The following RBFOX1 variants were observed in gnomAD, a reference collection of about 807,000 sequenced individuals.
The protein encoded by RBFOX1 is RNA binding fox-1 homolog 1, also known as RNA binding protein fox-1 homolog 1.
A neutral mutation model predicts 57.7 loss-of-function variants in RBFOX1; 8 were observed. The observed-to-expected ratio is 0.14, with a 90% CI of 0.08 to 0.25. The LOEUF is 0.25. Ranked by LOEUF, RBFOX1 falls within the 10% of genes least tolerant of loss-of-function variation. The pLI, the probability that RBFOX1 is intolerant of heterozygous loss-of-function variation, is 1.00. For synonymous variants in RBFOX1, 326 were observed against 222.4 expected (o/e 1.47, Z -4.15); for missense variants, 611 against 548.5 (o/e 1.11, Z -1.14).
chr16:6,278,839 A>C (rs2076096493), intron 1 of RBFOX1, among the ~76,000 whole-genome samples: 1 of 152,218 alleles, frequency 6.6e-6, no homozygotes, highest in African/African-American at 2.4e-5. Flanking sequence ...TGTAAGGTTC[A>C]TAAAAGCCCA....
intron 2 of RBFOX1, among the ~76,000 whole-genome samples, chr16:6,591,430 G>T (rs1016811375): frequency 6.6e-6 from 1 of 152,102 alleles, no homozygotes; most frequent in East Asian, 1.9e-4. Context: ...CTCCAGTCTG[G>T]GTGTCGTAGT....
Position 5,859,661 on chromosome 16 carries a change from G to A in RBFOX1, c.319-7642G>A, listed in dbSNP as rs533538393. Among the ~76,000 whole-genome samples, 8 of 152,218 alleles carry A rather than the reference G, an allele frequency of 5.3e-5. No homozygotes were observed. The South Asian group carries it at 8.3e-4, about 16-fold the overall frequency. ...GGAGGATAAAACTCTGCCTACCATT[G>A]GCCAGCAACCATGCCAGGCACCTTG... On this transcript the variant is annotated intron_variant, in intron 3 of 19. Coordinates refer to the RBFOX1 transcript ENST00000641259.
At chr16:7,078,537 A>G (rs1043114735) in intron 4 of RBFOX1, among the ~76,000 whole-genome samples, 29 of 151,202 alleles carry the variant, frequency 1.9e-4, no homozygotes, top group African/African-American at 5.6e-4. Context: ...TAGGAGAGTC[A>G]GGGTTTTGCC....
intron 3 of RBFOX1, among the ~76,000 whole-genome samples, chr16:5,612,381 G>T (rs2047855572): frequency 1.3e-5 from 2 of 152,062 alleles, no homozygotes; most frequent in South Asian, 4.2e-4. Context: ...CATGTGCCAG[G>T]TCCTGTGAAG....
chr16:7,185,700 T>A (rs1207495351), intron 4 of RBFOX1, among the ~76,000 whole-genome samples: 6 of 152,204 alleles, frequency 3.9e-5, no homozygotes, highest in African/African-American at 7.2e-5. Flanking sequence ...AAAGGCACTC[T>A]TTTTTGCTAC....
chr16:6,035,537 C>T (rs2095354723), intron 1 of RBFOX1, among the ~76,000 whole-genome samples: 1 of 152,164 alleles, frequency 6.6e-6, no homozygotes, highest in Non-Finnish European at 1.5e-5. Flanking sequence ...ATGTTCCCAA[C>T]TATAGTCCAG....
At chr16:5,260,074 G>A (rs1257867258) in intron 1 of RBFOX1, among the ~76,000 whole-genome samples, 2 of 152,160 alleles carry the variant, frequency 1.3e-5, no homozygotes, top group Non-Finnish European at 2.9e-5. Context: ...GATGGTGCAT[G>A]CCTATAATCC....
chr16:5,743,957 A>G (rs2052876157), intron 3 of RBFOX1, among the ~76,000 whole-genome samples: 1 of 152,232 alleles, frequency 6.6e-6, no homozygotes, highest in South Asian at 2.1e-4. Context: ...TGCTGACAGC[A>G]TCTATGTAGG....
At chr16:7,134,236 A>T (rs1484759761) in intron 4 of RBFOX1, among the ~76,000 whole-genome samples, 3 of 152,198 alleles carry the variant, frequency 2.0e-5, no homozygotes, top group Admixed American at 2.0e-4. Flanking sequence ...ATGGTGATCA[A>T]TAGAGCTGTG....
chr16:6,389,087 T>G (rs1216337916), intron 2 of RBFOX1, among the ~76,000 whole-genome samples: 1 of 152,194 alleles, frequency 6.6e-6, no homozygotes, highest in Non-Finnish European at 1.5e-5. Flanking sequence ...CTTTGCACTT[T>G]TGCCAGCTGC....
At chr16:6,345,410 T>C (rs912485023) in intron 2 of RBFOX1, among the ~76,000 whole-genome samples, 3 of 152,112 alleles carry the variant, frequency 2.0e-5, no homozygotes, top group Non-Finnish European at 4.4e-5. Flanking sequence ...TTCTAGGAAA[T>C]GGGTGGTCAT....
intron 1 of RBFOX1, among the ~76,000 whole-genome samples, chr16:6,049,833 T>G (rs2095534132): frequency 6.6e-6 from 1 of 152,124 alleles, no homozygotes; most frequent in African/African-American, 2.4e-5. Context: ...GTGGTACACT[T>G]CCTATGATTG....
At chr16:7,036,020 A>T (rs1597630556) in intron 3 of RBFOX1, among the ~76,000 whole-genome samples, 1 of 152,220 alleles carries the variant, frequency 6.6e-6, no homozygotes, top group East Asian at 1.9e-4. Context: ...CATTTCTTAA[A>T]TAATGACATT....
chr16:6,419,603 A>G (rs766477702), intron 2 of RBFOX1, among the ~76,000 whole-genome samples: 1 of 152,212 alleles, frequency 6.6e-6, no homozygotes, highest in Admixed American at 6.5e-5. Context: ...ATTTCATTTC[A>G]GAAAACATTC....
intron 4 of RBFOX1, among the ~76,000 whole-genome samples, chr16:7,490,112 C>G (rs892325092): frequency 6.6e-6 from 1 of 152,134 alleles, no homozygotes; most frequent in Admixed American, 6.5e-5. Flanking sequence ...CATGTGGCTT[C>G]TGAATGGAGG....
intron 4 of RBFOX1, among the ~76,000 whole-genome samples, chr16:7,491,235 G>A (rs1451841694): frequency 6.6e-6 from 1 of 151,808 alleles, no homozygotes; most frequent in African/African-American, 2.4e-5. Context: ...TTTTTCTTGG[G>A]GTTTCCTCCG....
intron 2 of RBFOX1, among the ~76,000 whole-genome samples, chr16:6,498,816 GTTC>G (rs1328225849): frequency 2.6e-5 from 4 of 152,142 alleles, no homozygotes; most frequent in Admixed American, 1.3e-4. Context: ...CCACCTGCTA[GTTC>G]TTCTCCTGAA....
chr16:5,260,092 G>A (rs527610420), intron 1 of RBFOX1, among the ~76,000 whole-genome samples: 53 of 152,216 alleles, frequency 3.5e-4, no homozygotes, highest in South Asian at 6.2e-4. Flanking sequence ...TCCCAGCTAC[G>A]TGGGAGGCTG....
intron 2 of RBFOX1, among the ~76,000 whole-genome samples, chr16:5,563,175 C>T (rs1390279396): frequency 6.6e-6 from 1 of 152,198 alleles, no homozygotes; most frequent in Non-Finnish European, 1.5e-5. Flanking sequence ...TCTTGAACTC[C>T]TGACATCAGG....
Sources: gnomAD v4.1 joint callset for allele counts (sites outside exome capture counted in the v4.1 genomes callset) on GRCh38, gnomAD v4.1.1 for gene constraint, MANE v1.5 for transcripts, NCBI Gene and HGNC (gene_info 2026-07-23, HGNC 2026-07-21) for gene names.